The following PARD3B variants were observed in gnomAD, a reference collection of about 807,000 sequenced individuals.
PARD3B encodes par-3 family cell polarity regulator beta.
PARD3B carries 103 observed loss-of-function variants against 130.2 expected under a neutral mutation model. The observed-to-expected ratio is 0.79, with a 90% CI of 0.67 to 0.93. The LOEUF is 0.93. PARD3B is among the 40% of genes least tolerant of loss of function. The pLI is 0.00. For synonymous variants in PARD3B, 583 were observed against 553.2 expected, an observed-to-expected ratio of 1.05 and a Z score of -0.76; for missense variants, 1,609 against 1,499.2, an observed-to-expected ratio of 1.07 and a Z score of -1.21.
chr2:205,434,982 T>TTAGTGAA (rs1334817326), intron 19 of PARD3B, among the ~76,000 whole-genome samples: 1 of 152,160 alleles, frequency 6.6e-6, no homozygotes, highest in Non-Finnish European at 1.5e-5. Context: ...CATGATGCGT[T>TTAGTGAA]CACTAAAAGC....
intron 2 of PARD3B, among the ~76,000 whole-genome samples, chr2:204,870,066 T>C (rs575025281): frequency 6.6e-6 from 1 of 152,306 alleles, no homozygotes; most frequent in Non-Finnish European, 1.5e-5. Flanking sequence ...CTATGCATAC[T>C]AGTGAAACAG....
intron 2 of PARD3B, among the ~76,000 whole-genome samples, chr2:204,942,609 G>T (rs1179237365): frequency 6.6e-6 from 1 of 151,346 alleles, no homozygotes; most frequent in Non-Finnish European, 1.5e-5. Flanking sequence ...TTTTTTAAAG[G>T]TCATACAGGT....
At chr2:205,600,077 C>T (rs1180944887) in intron 22 of PARD3B, among the ~76,000 whole-genome samples, 1 of 152,188 alleles carries the variant, frequency 6.6e-6, no homozygotes, top group Non-Finnish European at 1.5e-5. Context: ...GAAGCTGAAC[C>T]ACAACTTTTC....
rs748185837 is a variant in PARD3B, at chr2:204,689,406, TATG to T, written c.222+3127_222+3129del. The stretch of plus-strand genomic sequence containing the variant: ...GGAACAGCTTTGGAATATTGCATCT[TATG>T]ATAACTATTTGTATAAAATGTTGTG... On this transcript the variant is annotated intron_variant, in intron 2 of 22. Transcript: ENST00000406610. This position sits in a 1 kb window ranked among gnomAD's most constrained non-coding sequence, Gnocchi z 5.2. 6.6e-6 allele frequency among the ~76,000 whole-genome samples: 1 copy of T among 152,206 alleles called. No individual in the cohort carries two copies. Among genetic ancestry groups the T allele is most frequent in the Non-Finnish European group, 1.5e-5 (1 of 68,022 alleles).
chr2:205,035,455 A>G (rs1697751941), intron 3 of PARD3B, among the ~76,000 whole-genome samples: 1 of 152,082 alleles, frequency 6.6e-6, no homozygotes, highest in African/African-American at 2.4e-5. Flanking sequence ...TTATTTGCTT[A>G]TAATTGTATA....
intron 2 of PARD3B, among the ~76,000 whole-genome samples, chr2:204,880,581 C>T (rs1243415185): frequency 6.8e-6 from 1 of 147,538 alleles, no homozygotes; most frequent in African/African-American, 2.6e-5. Context: ...ATGGCTTGAA[C>T]CTGGGAGGCA....
chr2:205,253,586 G>A lies in PARD3B; in HGVS notation c.2185+7764G>A. The A allele has an allele frequency of 2.4e-6, 1 of 417,426 alleles. No individual in the cohort carries two copies. Among genetic ancestry groups the A allele is most frequent in the Admixed American group, 3.1e-5 (1 of 32,092 alleles). The allele number at this position is 417,426 out of a possible 1,614,324, so 25.9% of individuals were successfully genotyped here. A position where few individuals can be genotyped will look rare whatever the true frequency, so the allele number is the denominator to read the frequency against. On this transcript the variant is annotated intron_variant, in intron 16 of 22. Coordinates refer to ENST00000406610, the MANE Select transcript of PARD3B (RefSeq NM_001302769.2). The surrounding 1 kb of genome is among the most constrained non-coding windows in gnomAD (Gnocchi z 4.4). ...GCCTCCTCTGCCTCTTCAGAGCCCA[G>A]CAGAAAGACAGAGAAAGAAGCCTCC...
intron 22 of PARD3B, among the ~76,000 whole-genome samples, chr2:205,594,461 T>C (rs2054498575): frequency 6.6e-6 from 1 of 152,212 alleles, no homozygotes; most frequent in South Asian, 2.1e-4. Context: ...TGTGGAAATC[T>C]AGAGAGCAAG....
chr2:204,878,881 C>G (rs2125663997), intron 2 of PARD3B, among the ~76,000 whole-genome samples: 1 of 152,046 alleles, frequency 6.6e-6, no homozygotes, highest in Non-Finnish European at 1.5e-5. Flanking sequence ...AGGAATGCTA[C>G]ACAGGAAGAA....
chr2:205,445,135 A>T (rs982320095), intron 20 of PARD3B, among the ~76,000 whole-genome samples: 1 of 152,154 alleles, frequency 6.6e-6, no homozygotes, highest in Non-Finnish European at 1.5e-5. Context: ...TTCTCATATG[A>T]TTACTGCAGA....
intron 3 of PARD3B, among the ~76,000 whole-genome samples, chr2:204,982,297 G>C (rs562968091): frequency 6.6e-6 from 1 of 152,124 alleles, no homozygotes; most frequent in Non-Finnish European, 1.5e-5. Flanking sequence ...TATTATTGAT[G>C]AGGAATTTCT....
chr2:205,106,366 C>A (rs13411602), intron 5 of PARD3B, among the ~76,000 whole-genome samples: 20,595 of 151,940 alleles, frequency 0.14, 1,477 homozygotes, highest in East Asian at 0.16. Flanking sequence ...TCAGGCTGGT[C>A]TCGAACTCCT....
intron 12 of PARD3B, 33 bp downstream of exon 12, chr2:205,172,414 G>A (rs770806794): frequency 6.3e-7 from 1 of 1,590,896 alleles, no homozygotes; most frequent in African/African-American, 1.3e-5. Flanking sequence ...TCAGCCAGTT[G>A]CCCAAATTGC....
rs1696024246 is a variant in PARD3B, at chr2:205,015,029, A to ACT, written c.395-32551_395-32550insTC. Among the ~76,000 whole-genome samples, 19 of 152,306 alleles carry ACT rather than the reference A, an allele frequency of 1.2e-4. No individual in the cohort carries two copies. The South Asian group carries it at 3.9e-3, about 32-fold the overall frequency. ...AGAGTTAGGGTTACAGGGCCCACAT[A>ACT]CAGTTGAAAATCTGAGTATAACTTG... On this transcript the variant is annotated intron_variant, in intron 3 of 22. Transcript: ENST00000406610. The surrounding 1 kb of genome is among the most constrained non-coding windows in gnomAD (Gnocchi z 4.5).
At chr2:205,415,871 A>G (rs1184159418) in intron 19 of PARD3B, among the ~76,000 whole-genome samples, 1 of 152,178 alleles carries the variant, frequency 6.6e-6, no homozygotes, top group Non-Finnish European at 1.5e-5. Context: ...GACACAGGAA[A>G]TTTGATGAAG....
chr2:204,817,588 A>C (rs371683392), intron 2 of PARD3B, among the ~76,000 whole-genome samples: 1 of 152,092 alleles, frequency 6.6e-6, no homozygotes, highest in African/African-American at 2.4e-5. Context: ...GTAGTTTTCT[A>C]ATAGGTATGT....
intron 2 of PARD3B, among the ~76,000 whole-genome samples, chr2:204,698,938 A>G (rs2037749339): frequency 1.3e-5 from 2 of 152,290 alleles, no homozygotes; most frequent in African/African-American, 4.8e-5. Context: ...AATATAAAAA[A>G]GAAAAACCTT....
intron 4 of PARD3B, among the ~76,000 whole-genome samples, chr2:205,103,278 C>CATATTTTATATTTATGTAAAAT (rs2125571648): frequency 1.4e-5 from 2 of 142,690 alleles, no homozygotes; most frequent in East Asian, 4.0e-4. Flanking sequence ...GTAAAATAAA[C>CATATTTTATATTTATGTAAAAT]ATATTTTATA....
intron 3 of PARD3B, among the ~76,000 whole-genome samples, chr2:204,983,773 G>A (rs1385151114): frequency 6.6e-6 from 1 of 152,118 alleles, no homozygotes; most frequent in Non-Finnish European, 1.5e-5. Flanking sequence ...ATTTAGTATA[G>A]ACATTGTAAA....
Sources: gnomAD v4.1 joint callset for allele counts (sites outside exome capture counted in the v4.1 genomes callset) on GRCh38, gnomAD v4.1.1 for gene constraint, Gnocchi (gnomAD v3.1) non-coding constraint, MANE v1.5 for transcripts, NCBI Gene and HGNC (gene_info 2026-07-23, HGNC 2026-07-21) for gene names.